The following C12orf56 variants were observed in gnomAD, a reference collection of about 807,000 sequenced individuals.
The protein encoded by C12orf56 is chromosome 12 open reading frame 56, also known as uncharacterized protein C12orf56.
Under a neutral mutation model 69.9 loss-of-function variants are expected in C12orf56, and 71 were observed. That is an observed-to-expected ratio of 1.02 (90% CI 0.84 to 1.24). C12orf56 has a LOEUF of 1.24. Among genes scored for constraint, C12orf56 ranks in the 50% most tolerant of loss-of-function variants. C12orf56 has a pLI of 0.00. For missense variants in C12orf56, 732 were observed against 738.5 expected (o/e 0.99, Z 0.10); for synonymous variants, 276 against 274.1 (o/e 1.01, Z -0.07).
chr12:64,338,443 C>A (rs116275147), intron 2 of C12orf56: 1 of 823,456 alleles, frequency 1.2e-6, no homozygotes, highest in Non-Finnish European at 2.2e-6. Flanking sequence ...CCTTTTGCAC[C>A]GCAGACTTTA....
chr12:64,270,852 T>A, intron 11 of C12orf56, 138 bp from the exon 12 acceptor site: 1 of 692,244 alleles, frequency 1.4e-6, no homozygotes. Context: ...CTTATTGAAA[T>A]GGTATCCAAT....
chr12:64,301,596 C>T (rs753585893), intron 6 of C12orf56, among the ~76,000 whole-genome samples: 52 of 152,164 alleles, frequency 3.4e-4, no homozygotes, highest in Non-Finnish European at 6.6e-4. Flanking sequence ...AAGTTAATCA[C>T]TTACGTCTTT....
At chr12:64,322,160 A>G (rs188498036) in intron 3 of C12orf56, among the ~76,000 whole-genome samples, 116 of 151,810 alleles carry the variant, frequency 7.6e-4, no homozygotes, top group African/African-American at 2.7e-3. Context: ...TCTGCACTAT[A>G]CTTTTTCTCC....
At chr12:64,364,163 A>G (rs1468407151) in intron 1 of C12orf56, among the ~76,000 whole-genome samples, 3 of 152,080 alleles carry the variant, frequency 2.0e-5, no homozygotes, top group Non-Finnish European at 4.4e-5. Flanking sequence ...AAATACAAAA[A>G]TTAGGCGGGT....
At chr12:64,356,119 G>A (rs567856773) in intron 1 of C12orf56, among the ~76,000 whole-genome samples, 62 of 140,562 alleles carry the variant, frequency 4.4e-4, no homozygotes, top group African/African-American at 1.1e-3. Flanking sequence ...AGCCGAGATC[G>A]TGCCATTGCA....
In C12orf56 at chr12:64,352,978, C is replaced by T. The variant is rs377270451; in HGVS notation, c.331G>A (p.Val111Ile). ...GACTTTTTACACTCTTTTTTCAAAA[C>T]GGTTGAAGAATAGATGATACGAATG... ...QHIRIIYSSTVLKKECKKSNS... is the reference protein window; with the variant it reads ...QHIRIIYSSTILKKECKKSNS... The change falls in exon 2 of 13, where the codon GTT becomes ATT. Residue 111 changes from valine (V) to isoleucine (I), a missense_variant. By Grantham distance (29) the Val-to-Ile change is conservative (BLOSUM62 3). Transcript: ENST00000543942. The T allele has an allele frequency of 8.1e-6, 13 of 1,611,886 alleles. No individual in the cohort carries two copies. The highest frequency in any genetic ancestry group is 4.0e-5 in the African/African-American group (3 of 74,632).
chr12:64,300,677 G>A (rs1270300325), intron 6 of C12orf56, among the ~76,000 whole-genome samples: 1 of 152,090 alleles, frequency 6.6e-6, no homozygotes, highest in Non-Finnish European at 1.5e-5. Flanking sequence ...AGATCTTCCT[G>A]GTGCCAAATG....
chr12:64,378,741 T>C (rs547561878), intron 1 of C12orf56, among the ~76,000 whole-genome samples: 17 of 152,008 alleles, frequency 1.1e-4, no homozygotes, highest in African/African-American at 3.1e-4. Flanking sequence ...AGCCCATATA[T>C]TGGGACTTTT....
At chr12:64,284,562 T>C (rs2136765410) in intron 8 of C12orf56, 102 bp downstream of exon 8, 2 of 755,818 alleles carry the variant, frequency 2.6e-6, no homozygotes, top group Admixed American at 3.4e-5. Context: ...TGGAAGGGTG[T>C]TGAACAGGGA....
intron 4 of C12orf56, among the ~76,000 whole-genome samples, chr12:64,313,298 G>GAAAGAAAGAAAGAAAGAAAGAA (rs1234581270): frequency 3.4e-5 from 5 of 145,846 alleles, no homozygotes; most frequent in African/African-American, 7.6e-5. Flanking sequence ...AAGAAAGAAA[G>GAAAGAAAGAAAGAAAGAAAGAA]AAATTATTTA....
chr12:64,331,119 G>T (rs1313433354), intron 2 of C12orf56, 87 bp from the exon 3 acceptor site: 4 of 1,143,206 alleles, frequency 3.5e-6, no homozygotes, highest in South Asian at 3.0e-5. Flanking sequence ...CTGATTAAAT[G>T]ACTGTTCATA....
At chr12:64,282,725 G>GT (rs1399372559) in intron 8 of C12orf56, among the ~76,000 whole-genome samples, 3 of 151,238 alleles carry the variant, frequency 2.0e-5, no homozygotes, top group African/African-American at 7.3e-5. Flanking sequence ...AGCTAAGATC[G>GT]TGTCACTGCA....
chr12:64,326,722 G>A (rs548146492), intron 3 of C12orf56, among the ~76,000 whole-genome samples: 7 of 138,908 alleles, frequency 5.0e-5, no homozygotes, highest in Non-Finnish European at 6.2e-5. Context: ...CCTGGGCGAC[G>A]GAGCTAGACT....
At chr12:64,275,616 C>T (rs2038041168) in intron 9 of C12orf56, among the ~76,000 whole-genome samples, 1 of 152,064 alleles carries the variant, frequency 6.6e-6, no homozygotes, top group Non-Finnish European at 1.5e-5. Context: ...GTGCAAGCTA[C>T]CATGCTGGCT....
At chr12:64,318,517 G>T (rs1324247004) in intron 4 of C12orf56, 58 bp downstream of exon 4, 4 of 1,387,124 alleles carry the variant, frequency 2.9e-6, no homozygotes, top group Non-Finnish European at 3.8e-6. Flanking sequence ...GGGCTTGTTT[G>T]CTCTAAAAAA....
Position 64,267,255 on chromosome 12 carries a change from C to G in C12orf56, c.1797G>C (p.Arg599Ser). Residue 599 changes from arginine (R) to serine (S), a missense_variant, in exon 13 of 13, where the codon AGG becomes AGC. Arg to Ser is a moderately radical substitution (Grantham distance 110, BLOSUM62 -1). Coordinates refer to ENST00000543942, the MANE Select transcript of C12orf56 (RefSeq NM_001170633.2). ...YFIHMPALQK[R>S]LPLCYPITQP... ...GAGTGATGGGGTAACACAATGGGAGCCTTTTCTGCAAGGCTGGCATGTGAA... is the reference window on the plus strand; with the variant it reads ...GAGTGATGGGGTAACACAATGGGAGGCTTTTCTGCAAGGCTGGCATGTGAA... 6.2e-7 allele frequency: 1 copy of G among 1,611,990 alleles called. No individual in the cohort carries two copies. The highest frequency in any genetic ancestry group is 1.3e-5 in the African/African-American group (1 of 74,992).
At chr12:64,340,224 CT>C (rs2136882649) in intron 2 of C12orf56, among the ~76,000 whole-genome samples, 1 of 152,166 alleles carries the variant, frequency 6.6e-6, no homozygotes, top group African/African-American at 2.4e-5. Flanking sequence ...ATTTTTCTGC[CT>C]GCTTATATTC....
At chr12:64,358,482 A>AATCATCATCATC (rs1555193400) in intron 1 of C12orf56, among the ~76,000 whole-genome samples, 46 of 125,948 alleles carry the variant, frequency 3.7e-4, no homozygotes, top group African/African-American at 1.2e-3. Context: ...TAATAATAAT[A>AATCATCATCATC]ATCATCATCA....
intron 2 of C12orf56, among the ~76,000 whole-genome samples, chr12:64,341,053 G>A (rs974689689): frequency 2.0e-5 from 3 of 152,140 alleles, no homozygotes; most frequent in Admixed American, 2.0e-4. Context: ...GATAGTCTGG[G>A]TCAGTCACCC....
Sources: allele counts gnomAD v4.1 joint callset (sites outside exome capture counted in the v4.1 genomes callset), GRCh38; gene constraint gnomAD v4.1.1; transcripts MANE v1.5; gene names NCBI Gene and HGNC (gene_info 2026-07-23, HGNC 2026-07-21).